Variants in PRKCSH observed in about 807,000 individuals in gnomAD.
PRKCSH encodes glucosidase 2 subunit beta.
A neutral mutation model predicts 79.7 loss-of-function variants in PRKCSH; 42 were observed. The ratio of observed to expected loss-of-function variants is 0.53; its 90% CI spans 0.41 to 0.68. The LOEUF is 0.68. PRKCSH is among the 30% of genes least tolerant of loss of function. The pLI is 0.00. For synonymous variants in PRKCSH, 325 were observed against 288.2 expected, an observed-to-expected ratio of 1.13 and a Z score of -1.29; for missense variants, 686 against 709.0, an observed-to-expected ratio of 0.97 and a Z score of 0.37.
In PRKCSH at chr19:11,447,073, G is replaced by C. The variant is rs779478351; in HGVS notation, c.763-1G>C. 2.5e-6 allele frequency: 4 copies of C among 1,613,946 alleles called. No homozygotes were observed. Among genetic ancestry groups the C allele is most frequent in the Non-Finnish European group, 3.4e-6 (4 of 1,179,846 alleles). On this transcript the variant is annotated splice_acceptor_variant, in intron 9 of 17. Coordinates refer to ENST00000677123, the MANE Select transcript of PRKCSH (RefSeq NM_001289104.2). LOFTEE classifies it high-confidence loss of function. This position sits in a 1 kb window ranked among gnomAD's most constrained non-coding sequence, Gnocchi z 5.6. ...CTTGACACCACCCCCAACACACACA[G>C]GCCCTCCTCAGTGGGGACACACAGA...
chr19:11,439,245 G>C (rs1969931117), intron 5 of PRKCSH, among the ~76,000 whole-genome samples: 2 of 152,024 alleles, frequency 1.3e-5, no homozygotes. Context: ...CTTAAACCTT[G>C]TTGCGACCTT....
chr19:11,444,059 A>C (rs1428621800), intron 7 of PRKCSH, among the ~76,000 whole-genome samples: 1 of 152,200 alleles, frequency 6.6e-6, no homozygotes, highest in Non-Finnish European at 1.5e-5. Context: ...GGCATGAGCC[A>C]CGGTGCCCAG....
chr19:11,445,606 C>T (rs1970260007), intron 8 of PRKCSH, 133 bp downstream of exon 8: 1 of 851,832 alleles, frequency 1.2e-6, no homozygotes, highest in South Asian at 1.4e-5. Context: ...ATCCCAAGCC[C>T]CGTGTGACCC....
At chr19:11,436,013 C>A in intron 1 of PRKCSH, 28 bp from the exon 2 acceptor site, 1 of 1,489,568 alleles carries the variant, frequency 6.7e-7, no homozygotes, top group Non-Finnish European at 9.2e-7. Flanking sequence ...CCCTCTCCCA[C>A]TGACCGGGAT....
chr19:11,439,914 C>G (rs147343440), intron 5 of PRKCSH, among the ~76,000 whole-genome samples: 1 of 151,258 alleles, frequency 6.6e-6, no homozygotes, highest in Non-Finnish European at 1.5e-5. Flanking sequence ...CCACCATGCC[C>G]GGCTGAAAAT....
At chr19:11,450,247 C>T (rs898182616) in intron 17 of PRKCSH, among the ~76,000 whole-genome samples, 3 of 148,190 alleles carry the variant, frequency 2.0e-5, no homozygotes, top group African/African-American at 4.9e-5. Context: ...CTGAGGTGGG[C>T]GGATCACTTG....
chr19:11,437,121 C>T (rs1209956749), intron 3 of PRKCSH, among the ~76,000 whole-genome samples: 3 of 151,966 alleles, frequency 2.0e-5, no homozygotes, highest in Admixed American at 1.3e-4. Flanking sequence ...CTGCAAGCTC[C>T]GCCTCCCGGG....
intron 7 of PRKCSH, among the ~76,000 whole-genome samples, chr19:11,443,976 G>A (rs557547053): frequency 3.3e-5 from 5 of 152,198 alleles, no homozygotes; most frequent in South Asian, 2.1e-4. Context: ...GGGTTTCACC[G>A]TGTTGGCCAG....
chr19:11,435,877 C>G, intron 1 of PRKCSH, 164 bp from the exon 2 acceptor site: 1 of 1,016,838 alleles, frequency 9.8e-7, no homozygotes, highest in South Asian at 1.6e-5. Flanking sequence ...GAGATCCTCG[C>G]CATTGATTTG....
chr19:11,438,787 C>G (rs955417420), intron 5 of PRKCSH, among the ~76,000 whole-genome samples: 1 of 150,130 alleles, frequency 6.7e-6, no homozygotes, highest in African/African-American at 2.5e-5. Context: ...AAGCATACAA[C>G]AGAAGGAGGC....
Position 11,445,398 on chromosome 19 carries a change from C to T in PRKCSH, c.608C>T (p.Ala203Val). The T allele has an allele frequency of 1.2e-6, 2 of 1,613,876 alleles. No homozygotes were observed. The highest frequency in any genetic ancestry group is 1.1e-5 in the South Asian group (1 of 91,086). Residue 203 changes from alanine to valine, a missense_variant, in exon 8 of 18, where the codon GCT (alanine) becomes GTT (valine). By Grantham distance (64) the Ala-to-Val change is moderately conservative. Coordinates refer to ENST00000677123, the MANE Select transcript of PRKCSH (RefSeq NM_001289104.2). ...QHQKLWEEQLAAAKAQQEQEL... is the reference protein window; with the variant it reads ...QHQKLWEEQLVAAKAQQEQEL... ...GGTGGCTTCTTTACAGAGCAGCTGG[C>T]TGCTGCCAAGGCCCAACAGGAGCAG... is the stretch of plus-strand genomic sequence containing the variant.
chr19:11,447,964 G>T lies in PRKCSH; in HGVS notation c.1126+175G>T, dbSNP rs1970400552. 1 of 818,826 alleles carries T rather than the reference G, an allele frequency of 1.2e-6. No homozygotes were observed. Among genetic ancestry groups the T allele is most frequent in the African/African-American group, 1.7e-5 (1 of 57,998 alleles). 50.7% of individuals were successfully genotyped at this position (818,826 alleles called of 1,614,324 possible). On this transcript the variant is annotated intron_variant, in intron 12 of 17. Transcript: ENST00000677123. The surrounding 1 kb of genome is among the most constrained non-coding windows in gnomAD (Gnocchi z 5.6). ...GGGTAAGCCAGTCCCACCCTCGCCA[G>T]CCCCAAGGGGCCCTTCTGCCTCCCC...
intron 7 of PRKCSH, among the ~76,000 whole-genome samples, chr19:11,444,355 G>A (rs1327774317): frequency 2.6e-5 from 4 of 152,168 alleles, no homozygotes; most frequent in Non-Finnish European, 2.9e-5. Context: ...CCAGGGCTCC[G>A]AGGGTAGATG....
chr19:11,446,724 G>A (rs768529251), intron 9 of PRKCSH, among the ~76,000 whole-genome samples: 3 of 151,418 alleles, frequency 2.0e-5, no homozygotes, highest in Non-Finnish European at 4.4e-5. Flanking sequence ...GCCCACCCCT[G>A]GGTTTCTCCC....
At position 11,447,558 on chromosome 19, in the gene PRKCSH, A is replaced by G. The variant is rs745841943; in HGVS notation, c.969A>G (p.Glu323=). The change falls in exon 11 of 18, where the codon GAA becomes GAG. Residue 323 remains glutamate (E), a synonymous_variant. Transcript: ENST00000677123. The surrounding 1 kb of genome is among the most constrained non-coding windows in gnomAD (Gnocchi z 5.6). ...EEEEEEEEEE[E]EEAEEEEEEE... is the part of the protein sequence containing the mutation. Reference sequence around the variant, plus strand: ...AGGAGGAGGAGGAGGAGGAGGAGGAAGAAGAGGCTGAAGAAGAGGAGGAGG... The same window carrying G: ...AGGAGGAGGAGGAGGAGGAGGAGGAGGAAGAGGCTGAAGAAGAGGAGGAGG... 1.1e-4 allele frequency: 178 copies of G among 1,559,246 alleles called. No homozygotes were observed. The highest frequency in any genetic ancestry group is 8.4e-4 in the Middle Eastern group (5 of 5,936).
chr19:11,438,954 C>T (rs961141390), intron 5 of PRKCSH, among the ~76,000 whole-genome samples: 5 of 151,692 alleles, frequency 3.3e-5, no homozygotes, highest in Non-Finnish European at 7.4e-5. Flanking sequence ...GTCGCCCAGG[C>T]TGGAGTGCAG....
At position 11,449,434 on chromosome 19, in the gene PRKCSH, C is replaced by T. The variant is rs143718876; in HGVS notation, c.*16+6C>T. 663 of 1,612,602 alleles carry T rather than the reference C, an allele frequency of 4.1e-4. 3 individuals carry two copies. The African/African-American group carries it at 7.4e-3, about 18-fold the overall frequency. On this transcript the variant is annotated splice_donor_region_variant and intron_variant, in intron 17 of 17. Transcript: ENST00000677123. The surrounding 1 kb of genome is among the most constrained non-coding windows in gnomAD (Gnocchi z 6.4). ...CTAGCTGGATGGGCGCAGAGGTGGG[C>T]GGGGAGGTGGAGTCTCGTCGGCCTG...
chr19:11,435,833 A>C (rs781158998), intron 1 of PRKCSH, 127 bp downstream of exon 1: 59 of 1,287,882 alleles, frequency 4.6e-5, no homozygotes, highest in Non-Finnish European at 5.8e-5. Flanking sequence ...ATTGGGTCAC[A>C]ATTGGGCACA....
intron 3 of PRKCSH, among the ~76,000 whole-genome samples, chr19:11,437,551 T>G (rs140832146): frequency 0.024 from 3,551 of 148,012 alleles, 130 homozygotes; most frequent in African/African-American, 0.083. Context: ...TGGAGTTTCA[T>G]CGTGTTGGCC....
Sources: gnomAD v4.1 joint callset for allele counts (sites outside exome capture counted in the v4.1 genomes callset) on GRCh38, gnomAD v4.1.1 for gene constraint, Gnocchi (gnomAD v3.1) non-coding constraint, MANE v1.5 for transcripts, NCBI Gene and HGNC (gene_info 2026-07-23, HGNC 2026-07-21) for gene names.